The following RYK variants were observed in gnomAD, a reference collection of about 807,000 sequenced individuals.
RYK encodes the protein receptor like tyrosine kinase, also known as inactive tyrosine-protein kinase RYK.
A neutral mutation model predicts 70.2 loss-of-function variants in RYK; 21 were observed. That is an observed-to-expected ratio of 0.30 (90% CI 0.21 to 0.43). RYK has a LOEUF of 0.43. Ranked by LOEUF, RYK falls within the 20% of genes least tolerant of loss-of-function variation. RYK has a pLI of 1.00. For synonymous variants in RYK, 267 were observed against 278.0 expected (o/e 0.96, Z 0.39); for missense variants, 604 against 753.3 (o/e 0.80, Z 2.32).
chr3:134,209,739 T>C lies in RYK; in HGVS notation c.545A>G (p.Asn182Ser). The part of the protein sequence containing the change: ...QLNLTVNSSK[N>S]FTVLNFKRRK... The stretch of plus-strand genomic sequence containing the variant: ...TCGTTTAAAATTTAAGACGGTAAAA[T>C]TTTTTGAAGAATTTACTGTCAAGTT... The change falls in exon 4 of 15, where the codon AAT becomes AGT. Residue 182 changes from asparagine to serine, a missense_variant. Transcript: ENST00000623711. 1 of 1,502,702 alleles carries C rather than the reference T, an allele frequency of 6.7e-7. No individual in the cohort carries two copies. Among genetic ancestry groups the C allele is most frequent in the East Asian group, 2.6e-5 (1 of 38,850 alleles). 93.1% of individuals were successfully genotyped at this position (1,502,702 alleles called of 1,614,324 possible).
intron 1 of RYK, among the ~76,000 whole-genome samples, chr3:134,235,391 A>G (rs2015176364): frequency 6.6e-6 from 1 of 152,102 alleles, no homozygotes; most frequent in African/African-American, 2.4e-5. Context: ...TTTCCAGTCT[A>G]TATCTTTTCT....
chr3:134,175,916 C>T lies in RYK; in HGVS notation c.1415+14G>A, dbSNP rs1189465069. On this transcript the variant is annotated intron_variant, in intron 12 of 14. Transcript: ENST00000623711. ...CTCTACATCAAGTGACAGCGTCAAG[C>T]TCATGGCACCTACACACAGTTCCTG... 2 of 1,586,944 alleles carry T rather than the reference C, an allele frequency of 1.3e-6. No individual in the cohort carries two copies. Among genetic ancestry groups the T allele is most frequent in the Admixed American group, 1.7e-5 (1 of 58,518 alleles).
intron 1 of RYK, 61 bp downstream of exon 1, chr3:134,250,362 C>T: frequency 2.7e-6 from 3 of 1,097,848 alleles, no homozygotes; most frequent in Middle Eastern, 3.4e-4. Context: ...GATCCGCCGG[C>T]GGCCGGAAGC....
At chr3:134,198,435 AACAG>A (rs1212265860) in intron 6 of RYK, among the ~76,000 whole-genome samples, 2 of 152,248 alleles carry the variant, frequency 1.3e-5, no homozygotes, top group African/African-American at 2.4e-5. Flanking sequence ...CAATGAATGC[AACAG>A]ACAAAGACTG....
chr3:134,224,774 ACT>A (rs973706363), intron 1 of RYK, among the ~76,000 whole-genome samples: 11 of 152,124 alleles, frequency 7.2e-5, no homozygotes, highest in Non-Finnish European at 1.3e-4. Context: ...GAGGGCTCAC[ACT>A]CTTGTCTTCT....
intron 3 of RYK, among the ~76,000 whole-genome samples, 162 bp from the exon 4 acceptor site, chr3:134,209,991 T>C (rs2014338300): frequency 6.6e-6 from 1 of 152,248 alleles, no homozygotes; most frequent in Non-Finnish European, 1.5e-5. Flanking sequence ...TTTAGAGATC[T>C]TCAGACTACC....
In RYK at chr3:134,233,100, T is replaced by C. The variant is rs1453692137; in HGVS notation, c.233-10561A>G. On this transcript the variant is annotated intron_variant, in intron 1 of 14. Coordinates refer to ENST00000623711, the MANE Select transcript of RYK (RefSeq NM_002958.4). ...GAAAATGACTTTCATCTGTACTGTC[T>C]CAAGACCACACCCTATATGTTAATA... Among the ~76,000 whole-genome samples, 5 of 152,226 alleles carry C rather than the reference T, an allele frequency of 3.3e-5. No homozygotes were observed. The East Asian group carries it at 9.6e-4, about 29-fold the overall frequency.
At chr3:134,209,646 C>G in intron 4 of RYK, 49 bp downstream of exon 4, 2 of 1,286,540 alleles carry the variant, frequency 1.6e-6, no homozygotes, top group East Asian at 5.9e-5. Flanking sequence ...CTCTATTTTT[C>G]ACCTTCTCAC....
chr3:134,177,064 C>CAA (rs201923402), intron 11 of RYK, among the ~76,000 whole-genome samples: 1 of 43,748 alleles, frequency 2.3e-5, no homozygotes, highest in African/African-American at 7.4e-5. Context: ...ACACAAAAAA[C>CAA]AAAAAACAAA....
intron 5 of RYK, among the ~76,000 whole-genome samples, chr3:134,206,710 G>A (rs2014223187): frequency 6.6e-6 from 1 of 152,088 alleles, no homozygotes; most frequent in Non-Finnish European, 1.5e-5. Context: ...TCTGATGCCT[G>A]GGATGTGCCT....
At chr3:134,213,024 G>A (rs1042838308) in intron 2 of RYK, among the ~76,000 whole-genome samples, 1 of 152,256 alleles carries the variant, frequency 6.6e-6, no homozygotes, top group South Asian at 2.1e-4. Context: ...CAGTGACTTC[G>A]AGGTACCTTG....
chr3:134,231,800 C>A (rs371768863), intron 1 of RYK, among the ~76,000 whole-genome samples: 1 of 152,124 alleles, frequency 6.6e-6, no homozygotes, highest in Non-Finnish European at 1.5e-5. Flanking sequence ...TGTTTCTTTA[C>A]AATCATGCCA....
intron 6 of RYK, among the ~76,000 whole-genome samples, chr3:134,197,650 T>C (rs978575698): frequency 1.3e-5 from 2 of 152,114 alleles, no homozygotes; most frequent in East Asian, 3.8e-4. Flanking sequence ...CTGTTAGAAG[T>C]CCAGACTTCA....
intron 2 of RYK, among the ~76,000 whole-genome samples, chr3:134,216,419 C>A (rs1409347415): frequency 6.6e-6 from 1 of 152,096 alleles, no homozygotes; most frequent in East Asian, 1.9e-4. Context: ...CCTGAAAGCA[C>A]AGAACAGCCA....
intron 1 of RYK, among the ~76,000 whole-genome samples, chr3:134,226,995 A>C (rs187796823): frequency 9.2e-5 from 14 of 152,302 alleles, no homozygotes; most frequent in African/African-American, 3.1e-4. Context: ...ATGAAGTAAA[A>C]CTGTCATTGT....
chr3:134,193,672 T>A (rs919341305), intron 7 of RYK, among the ~76,000 whole-genome samples: 3 of 152,254 alleles, frequency 2.0e-5, no homozygotes, highest in African/African-American at 7.2e-5. Context: ...AAAAAGCATA[T>A]ATTTCTTTCT....
chr3:134,207,584 A>G, intron 4 of RYK, 59 bp from the exon 5 acceptor site: 1 of 1,093,332 alleles, frequency 9.1e-7, no homozygotes, highest in South Asian at 1.5e-5. Flanking sequence ...AAAATCCTTA[A>G]TTACTATAAT....
chr3:134,206,765 T>A (rs1391874531), intron 5 of RYK, among the ~76,000 whole-genome samples: 5 of 152,094 alleles, frequency 3.3e-5, no homozygotes, highest in African/African-American at 1.2e-4. Context: ...AAGGAGGGAA[T>A]CAATGGAAGA....
Position 134,188,150 on chromosome 3 carries a change from A to AAT in RYK, c.1102+685_1102+686dup, listed in dbSNP as rs56113636. Among the ~76,000 whole-genome samples, 960 of 136,624 alleles carry AAT rather than the reference A, an allele frequency of 7.0e-3. 9 individuals are homozygous for AAT. The highest frequency in any genetic ancestry group is 0.02 in the African/African-American group (752 of 37,108). 89.6% of individuals were successfully genotyped at this position (136,624 alleles called of 152,430 possible). ...GCTATCTTTTAGAGGACAATCTAAC[A>AAT]ATATATATATATATATATTTTTTTT... On this transcript the variant is annotated intron_variant, in intron 9 of 14. Transcript: ENST00000623711.
Sources: gnomAD v4.1 joint callset for allele counts (sites outside exome capture counted in the v4.1 genomes callset) on GRCh38, gnomAD v4.1.1 for gene constraint, MANE v1.5 for transcripts, NCBI Gene and HGNC (gene_info 2026-07-23, HGNC 2026-07-21) for gene names.